Variants in DCAKD observed in about 807,000 individuals in gnomAD.
DCAKD encodes the protein dephospho-CoA kinase domain-containing protein.
A neutral mutation model predicts 18.7 loss-of-function variants in DCAKD; 15 were observed. The ratio of observed to expected loss-of-function variants is 0.80; its 90% CI spans 0.54 to 1.24. The LOEUF (loss-of-function observed/expected upper bound fraction) is 1.24, where lower values mean the gene tolerates loss of function less well. Ranked by LOEUF, DCAKD falls within the 50% of genes most tolerant of loss-of-function variation. The pLI, the probability that DCAKD is intolerant of heterozygous loss-of-function variation, is 0.00. For missense variants in DCAKD, 301 were observed against 322.0 expected (o/e 0.93, Z 0.50); for synonymous variants, 130 against 133.0 (o/e 0.98, Z 0.16).
intron 1 of DCAKD, among the ~76,000 whole-genome samples, chr17:45,044,695 A>G (rs1243102598): frequency 0.012 from 603 of 49,748 alleles, 2 homozygotes; most frequent in Middle Eastern, 0.037. Context: ...CCATCAATAA[A>G]TAAATAAATA....
chr17:45,043,925 C>T (rs998483029), intron 1 of DCAKD, among the ~76,000 whole-genome samples: 2 of 152,242 alleles, frequency 1.3e-5, no homozygotes, highest in Admixed American at 6.5e-5. Context: ...ACCTGCACAG[C>T]CCACAAGGAG....
Position 45,047,694 on chromosome 17 carries a change from G to A in DCAKD, c.-115+3667C>T, listed in dbSNP as rs7215818. 1.7e-3 allele frequency among the ~76,000 whole-genome samples: 255 copies of A among 152,028 alleles called. 2 individuals carry two copies. Among genetic ancestry groups the A allele is most frequent in the African/African-American group, 5.8e-3 (241 of 41,398 alleles). ...TAATTTTTGTATCTTTAGTACAGAC[G>A]GGGTTTCGGCATGTTGGTCAGGCTG... On this transcript the variant is annotated intron_variant, in intron 1 of 4. Coordinates refer to ENST00000651974, the MANE Select transcript of DCAKD (RefSeq NM_001288655.2).
rs2053011723 is a variant in DCAKD at position 45,024,483 on chromosome 17, T to C, written c.646A>G (p.Ile216Val). The stretch of plus-strand genomic sequence containing the variant: ...GTGAGCAGGTAGAGGAGGCTGGCAA[T>C]GGCAGCGAGCCCTGTGAGGACCCCA... ...RFGVLTGLAA[I>V]ASLLYLLTHY... Residue 216 changes from isoleucine (I) to valine (V), a missense_variant, in exon 5 of 5, where the codon ATT becomes GTT. Coordinates refer to ENST00000651974, the MANE Select transcript of DCAKD (RefSeq NM_001288655.2). 2 of 1,613,250 alleles carry C rather than the reference T, an allele frequency of 1.2e-6. No homozygotes were observed. Among genetic ancestry groups the C allele is most frequent in the Non-Finnish European group, 1.7e-6 (2 of 1,179,266 alleles).
In DCAKD at chr17:45,034,225, T is replaced by C; in HGVS notation, c.278A>G (p.Lys93Arg). 6.2e-7 allele frequency: 1 copy of C among 1,613,830 alleles called. No homozygotes were observed. Among genetic ancestry groups the C allele is most frequent in the Non-Finnish European group, 8.5e-7 (1 of 1,179,928 alleles). Residue 93 changes from lysine (K) to arginine (R), a missense_variant, in exon 3 of 5, where the codon AAG becomes AGG. Coordinates refer to ENST00000651974, the MANE Select transcript of DCAKD (RefSeq NM_001288655.2). The part of the protein sequence containing the change: ...LNAITHPEIR[K>R]EMMKETFKYF... ...CTTGAACGTCTCCTTCATCATCTCC[T>C]TGCGAATCTCGGGGTGGGTGATGGC...
intron 1 of DCAKD, among the ~76,000 whole-genome samples, chr17:45,041,196 G>C (rs970806286): frequency 6.6e-6 from 1 of 151,912 alleles, no homozygotes; most frequent in Non-Finnish European, 1.5e-5. Context: ...GCCTTCTCCC[G>C]CCTCCTCCTG....
chr17:45,054,250 A>AT (rs145150422), upstream of DCAKD: 139,974 of 415,244 alleles, frequency 0.34, 18,644 homozygotes, highest in African/African-American at 0.39. Context: ...AGACAGTTTT[A>AT]TTTATTTTTT....
At chr17:45,031,315 T>G in intron 3 of DCAKD, 1 of 985,242 alleles carries the variant, frequency 1.0e-6, no homozygotes, top group Non-Finnish European at 1.2e-6. Flanking sequence ...AGCCCACAGT[T>G]GAACAAGGGG....
At chr17:45,045,314 C>G (rs763038642) in intron 1 of DCAKD, among the ~76,000 whole-genome samples, 1 of 152,160 alleles carries the variant, frequency 6.6e-6, no homozygotes, top group African/African-American at 2.4e-5. Flanking sequence ...CAGCGCTGAC[C>G]AACGTGTCAC....
Position 45,024,365 on chromosome 17 carries a change from T to C in DCAKD, c.*68A>G. On this transcript the variant is annotated 3_prime_UTR_variant, in exon 5 of 5. Transcript: ENST00000651974. ...GGGAGGGGGCTGAGAGGAAACAGGA[T>C]GTGTTACCTGGCTTCAGCCTCCAAG... 6.8e-7 allele frequency: 1 copy of C among 1,472,542 alleles called. No homozygotes were observed. The highest frequency in any genetic ancestry group is 2.0e-5 in the Admixed American group (1 of 50,834). The allele number at this position is 1,472,542 out of a possible 1,614,324, so 91.2% of individuals were successfully genotyped here. A position where few individuals can be genotyped will look rare whatever the true frequency, so the allele number is the denominator to read the frequency against.
intron 1 of DCAKD, among the ~76,000 whole-genome samples, chr17:45,039,297 C>T (rs1159862039): frequency 1.3e-5 from 2 of 152,182 alleles, no homozygotes; most frequent in Non-Finnish European, 2.9e-5. Context: ...TGTTCATGAC[C>T]CTCTTTCTGC....
At chr17:45,058,673 C>T (rs571393475) in intron 1 of DCAKD, among the ~76,000 whole-genome samples, 2 of 149,930 alleles carry the variant, frequency 1.3e-5, no homozygotes, top group South Asian at 2.1e-4. Flanking sequence ...CCACCCACCT[C>T]GGCTTCCCAA....
chr17:45,056,333 C>A (rs2053778880), upstream of DCAKD, among the ~76,000 whole-genome samples: 1 of 152,056 alleles, frequency 6.6e-6, no homozygotes, highest in Admixed American at 6.6e-5. Context: ...ACTTTTAGGG[C>A]TCTCTATGTA....
At chr17:45,033,599 G>C (rs1029861692) in intron 3 of DCAKD, among the ~76,000 whole-genome samples, 1 of 152,110 alleles carries the variant, frequency 6.6e-6, no homozygotes, top group Non-Finnish European at 1.5e-5. Context: ...CGAGTAGCTG[G>C]GATTACAGGT....
intron 4 of DCAKD, among the ~76,000 whole-genome samples, chr17:45,026,139 G>C (rs1597936968): frequency 6.6e-6 from 1 of 151,342 alleles, no homozygotes; most frequent in East Asian, 1.9e-4. Flanking sequence ...GGCTGGTCTT[G>C]AACTCCTGAC....
At chr17:45,028,068 T>C (rs2053093677) in intron 4 of DCAKD, among the ~76,000 whole-genome samples, 1 of 150,556 alleles carries the variant, frequency 6.6e-6, no homozygotes, top group Non-Finnish European at 1.5e-5. Flanking sequence ...TGAATGCACA[T>C]GCAGGTGTCG....
At chr17:45,036,753 T>C (rs1269306307) in intron 1 of DCAKD, among the ~76,000 whole-genome samples, 1 of 152,190 alleles carries the variant, frequency 6.6e-6, no homozygotes. Context: ...GTGCATTTTC[T>C]GGAGTAAATG....
intron 1 of DCAKD, among the ~76,000 whole-genome samples, chr17:45,050,301 A>G (rs989301363): frequency 6.7e-6 from 1 of 149,294 alleles, no homozygotes; most frequent in African/African-American, 2.5e-5. Flanking sequence ...TCCTCAACCT[A>G]CCAAAGCGCT....
intron 1 of DCAKD, among the ~76,000 whole-genome samples, chr17:45,037,459 G>T (rs1430340719): frequency 1.3e-5 from 2 of 151,572 alleles, no homozygotes; most frequent in East Asian, 3.9e-4. Context: ...AATCTAGAAA[G>T]AATTTTTTTT....
intron 1 of DCAKD, among the ~76,000 whole-genome samples, chr17:45,044,969 A>G (rs575212299): frequency 6.6e-6 from 1 of 152,368 alleles, no homozygotes; most frequent in East Asian, 1.9e-4. Context: ...GGGTCAGGGC[A>G]TGGAGTTTAT....
Sources: gnomAD v4.1 joint callset for allele counts (sites outside exome capture counted in the v4.1 genomes callset) on GRCh38, gnomAD v4.1.1 for gene constraint, MANE v1.5 for transcripts, NCBI Gene and HGNC (gene_info 2026-07-23, HGNC 2026-07-21) for gene names.